BCAS3: variants seen among roughly 807,000 people sequenced by gnomAD.
BCAS3 encodes the protein BCAS3 microtubule associated cell migration factor, also known as BCAS4/BCAS3 fusion.
Under a neutral mutation model 116.1 loss-of-function variants are expected in BCAS3, and 53 were observed. The observed-to-expected ratio is 0.46, with a 90% CI of 0.37 to 0.57. BCAS3 has a LOEUF of 0.57. Among genes scored for constraint, BCAS3 ranks in the 20% least tolerant of loss-of-function variants. BCAS3 has a pLI of 0.00. For missense variants in BCAS3, 917 were observed against 1,165.4 expected, an observed-to-expected ratio of 0.79 and a Z score of 3.10; for synonymous variants, 391 against 408.2, an observed-to-expected ratio of 0.96 and a Z score of 0.51.
chr17:60,991,394 C>T (rs1449022712), intron 15 of BCAS3, among the ~76,000 whole-genome samples: 1 of 152,150 alleles, frequency 6.6e-6, no homozygotes, highest in Non-Finnish European at 1.5e-5. Context: ...AATATGTATA[C>T]TAATTTTTGA....
At chr17:60,840,521 A>C (rs1001683546) in intron 7 of BCAS3, among the ~76,000 whole-genome samples, 2 of 152,168 alleles carry the variant, frequency 1.3e-5, no homozygotes, top group African/African-American at 4.8e-5. Context: ...ATTACACAAG[A>C]ATACTTAGTT....
chr17:60,700,697 A>T (rs1291009798), intron 4 of BCAS3, among the ~76,000 whole-genome samples: 1 of 152,200 alleles, frequency 6.6e-6, no homozygotes. Flanking sequence ...AAGTTAGAGG[A>T]TTATCCCTGA....
chr17:61,254,048 C>T (rs1348083203), intron 22 of BCAS3, among the ~76,000 whole-genome samples: 2 of 152,166 alleles, frequency 1.3e-5, no homozygotes, highest in South Asian at 2.1e-4. Context: ...CCACTGGGAC[C>T]CTACTTAAAA....
Position 61,368,633 on chromosome 17 carries a change from C to A in BCAS3, c.2593+139C>A. 1 of 1,005,426 alleles carries A rather than the reference C, an allele frequency of 9.9e-7. No homozygotes were observed. Among genetic ancestry groups the A allele is most frequent in the Non-Finnish European group, 1.4e-6 (1 of 709,734 alleles). The allele number at this position is 1,005,426 out of a possible 1,614,324, so 62.3% of individuals were successfully genotyped here. A position where few individuals can be genotyped will look rare whatever the true frequency, so the allele number is the denominator to read the frequency against. On this transcript the variant is annotated intron_variant, in intron 23 of 23. Transcript: ENST00000407086. The surrounding 1 kb of genome is among the most constrained non-coding windows in gnomAD (Gnocchi z 6.0). ...AGTTAGCACTCCAGTGGCTATCCGT[C>A]TGAGGAGCTCTGGTGTTGGGAAACC...
Position 60,804,970 on chromosome 17 carries a change from GT to G in BCAS3, c.404-3023del, listed in dbSNP as rs1255806634. 4.9e-3 allele frequency among the ~76,000 whole-genome samples: 689 copies of G among 141,676 alleles called. 6 individuals carry two copies. Among genetic ancestry groups the G allele is most frequent in the African/African-American group, 0.014 (551 of 38,764 alleles). The allele number at this position is 141,676 out of a possible 152,430, so 92.9% of individuals were successfully genotyped here. A position where few individuals can be genotyped will look rare whatever the true frequency, so the allele number is the denominator to read the frequency against. ...TGATGTAAACTAATTTGAGTGTCGGGTTTTTTTTTTTCCCCCAAGCACTACC... is the reference window on the plus strand; with the variant it reads ...TGATGTAAACTAATTTGAGTGTCGGGTTTTTTTTTTCCCCCAAGCACTACC... On this transcript the variant is annotated intron_variant, in intron 6 of 23. Transcript: ENST00000407086.
At chr17:60,685,688 G>C (rs2093441275) in intron 3 of BCAS3, among the ~76,000 whole-genome samples, 1 of 152,036 alleles carries the variant, frequency 6.6e-6, no homozygotes, top group Non-Finnish European at 1.5e-5. Flanking sequence ...TTTCCTGGAG[G>C]GAGCTTGAGA....
intron 22 of BCAS3, among the ~76,000 whole-genome samples, chr17:61,166,749 C>T (rs1316566498): frequency 2.6e-5 from 4 of 151,982 alleles, no homozygotes; most frequent in Non-Finnish European, 5.9e-5. Context: ...CATCTCACTC[C>T]GTCGCACAGG....
chr17:61,258,127 T>G lies in BCAS3; in HGVS notation c.2426-110200T>G, dbSNP rs1386639736. On this transcript the variant is annotated intron_variant, in intron 22 of 23. Coordinates refer to ENST00000407086, the MANE Select transcript of BCAS3 (RefSeq NM_017679.5). This position sits in a 1 kb window ranked among gnomAD's most constrained non-coding sequence, Gnocchi z 4.7. ...GGATTTCTACTCACCTTTCAAGGTT[T>G]AGAGAAAATAGCGCTCTTCCTTGCA... 6.6e-6 allele frequency among the ~76,000 whole-genome samples: 1 copy of G among 152,228 alleles called. No homozygotes were observed. The highest frequency in any genetic ancestry group is 1.5e-5 in the Non-Finnish European group (1 of 68,036).
At chr17:60,972,269 C>T (rs2062009896) in intron 14 of BCAS3, among the ~76,000 whole-genome samples, 1 of 152,038 alleles carries the variant, frequency 6.6e-6, no homozygotes, top group South Asian at 2.1e-4. Context: ...TTTTATATCC[C>T]ATTCCAGTGT....
intron 4 of BCAS3, 26 bp from the exon 5 acceptor site, chr17:60,709,193 T>A (rs754862650): frequency 8.2e-7 from 1 of 1,223,836 alleles, no homozygotes; most frequent in Admixed American, 2.0e-5. Context: ...TTAAATTTGC[T>A]TCTTTGTTAC....
At position 61,141,857 on chromosome 17, in the gene BCAS3, C is replaced by T. The variant is rs930811906; in HGVS notation, c.2425+57293C>T. On this transcript the variant is annotated intron_variant, in intron 22 of 23. Transcript: ENST00000407086. This position sits in a 1 kb window ranked among gnomAD's most constrained non-coding sequence, Gnocchi z 4.3. ...CGGAGGTTGCAGTGAGCCGAGATCG[C>T]GCCACTGCACTCCAGCCTGGTGACA... Among the ~76,000 whole-genome samples, 9 of 148,306 alleles carry T rather than the reference C, an allele frequency of 6.1e-5. No homozygotes were observed. The highest frequency in any genetic ancestry group is 4.3e-4 in the South Asian group (2 of 4,662).
chr17:61,044,502 TTATATC>T (rs2067864338), intron 19 of BCAS3, among the ~76,000 whole-genome samples: 1 of 148,540 alleles, frequency 6.7e-6, no homozygotes, highest in South Asian at 2.1e-4. Flanking sequence ...TAACTCTTGT[TTATATC>T]AGTCAGTGGT....
intron 10 of BCAS3, among the ~76,000 whole-genome samples, chr17:60,901,621 T>C (rs1163397339): frequency 6.6e-6 from 1 of 152,216 alleles, no homozygotes; most frequent in East Asian, 1.9e-4. Context: ...TCCATTCTAT[T>C]ATAATATATT....
At chr17:60,815,657 G>A (rs572097570) in intron 7 of BCAS3, among the ~76,000 whole-genome samples, 4 of 152,284 alleles carry the variant, frequency 2.6e-5, no homozygotes, top group South Asian at 4.1e-4. Flanking sequence ...TAGGTGATAC[G>A]AGGAACCATT....
At chr17:60,938,601 T>G (rs1220487371) in intron 13 of BCAS3, among the ~76,000 whole-genome samples, 2 of 152,150 alleles carry the variant, frequency 1.3e-5, no homozygotes, top group Non-Finnish European at 2.9e-5. Context: ...AGAAAAAGAT[T>G]TCTTAGATAA....
intron 4 of BCAS3, among the ~76,000 whole-genome samples, chr17:60,693,913 T>C (rs759513665): frequency 1.1e-3 from 154 of 140,704 alleles, no homozygotes; most frequent in Admixed American, 2.3e-3. Flanking sequence ...TGAGATGGAG[T>C]CTTGCTCTGT....
chr17:61,034,658 T>G lies in BCAS3; in HGVS notation c.1638-8T>G. ...TAATTGTTTTTTACTCTTATTTTAT[T>G]TTTTAAGCAAAGTTAAACCTCCTCC... is the stretch of plus-strand genomic sequence containing the variant. On this transcript the variant is annotated splice_polypyrimidine_tract_variant and splice_region_variant and intron_variant, in intron 16 of 23. Coordinates refer to ENST00000407086, the MANE Select transcript of BCAS3 (RefSeq NM_017679.5). This position sits in a 1 kb window ranked among gnomAD's most constrained non-coding sequence, Gnocchi z 5.0. 1 of 1,594,198 alleles carries G rather than the reference T, an allele frequency of 6.3e-7. No homozygotes were observed. The highest frequency in any genetic ancestry group is 1.1e-5 in the South Asian group (1 of 87,852).
At chr17:61,147,986 C>CCA (rs1555743186) in intron 22 of BCAS3, among the ~76,000 whole-genome samples, 1 of 148,742 alleles carries the variant, frequency 6.7e-6, no homozygotes, top group East Asian at 2.0e-4. Flanking sequence ...AACTCTGTCT[C>CCA]AGAAAAAAAA....
At chr17:60,975,357 T>C (rs1051294089) in intron 14 of BCAS3, among the ~76,000 whole-genome samples, 2 of 152,226 alleles carry the variant, frequency 1.3e-5, no homozygotes, top group African/African-American at 4.8e-5. Flanking sequence ...TAGGCACAGA[T>C]AAAAATGCTC....
Sources: allele counts gnomAD v4.1 joint callset (sites outside exome capture counted in the v4.1 genomes callset), GRCh38; gene constraint gnomAD v4.1.1; non-coding constraint Gnocchi (gnomAD v3.1); transcripts MANE v1.5; gene names NCBI Gene and HGNC (gene_info 2026-07-23, HGNC 2026-07-21).